The following RRP1 variants were observed in gnomAD, a reference collection of about 807,000 sequenced individuals.
The protein encoded by RRP1 is ribosomal RNA processing protein 1 homolog A.
In RRP1, 37 loss-of-function variants were observed where a neutral mutation model predicts 54.6. The ratio of observed to expected loss-of-function variants is 0.68; its 90% confidence interval spans 0.52 to 0.89. The LOEUF is 0.89. Among genes scored for constraint, RRP1 ranks in the 40% least tolerant of loss-of-function variants. The pLI, the probability that RRP1 is intolerant of heterozygous loss-of-function variation, is 0.00. For synonymous variants in RRP1, 262 were observed against 244.3 expected, an observed-to-expected ratio of 1.07 and a Z score of -0.67; for missense variants, 639 against 612.5, an observed-to-expected ratio of 1.04 and a Z score of -0.46.
intron 7 of RRP1, 54 bp from the exon 8 acceptor site, chr21:43,797,853 G>A (rs1204270313): frequency 2.7e-5 from 42 of 1,582,806 alleles, no homozygotes; most frequent in East Asian, 6.7e-5. Flanking sequence ...GGCGGCTTCC[G>A]CTTGGGAATC....
intron 8 of RRP1, among the ~76,000 whole-genome samples, chr21:43,798,488 G>T (rs1212624962): frequency 6.6e-6 from 1 of 152,050 alleles, no homozygotes; most frequent in African/African-American, 2.4e-5. Flanking sequence ...CCCCAACGCA[G>T]TCCTCCCCAT....
chr21:43,803,367 C>T (rs2085112331), intron 12 of RRP1, 145 bp from the exon 13 acceptor site: 2 of 1,164,892 alleles, frequency 1.7e-6, no homozygotes, highest in Non-Finnish European at 2.4e-6. Flanking sequence ...GGCGCCCACA[C>T]TGGACACGGG....
At chr21:43,795,786 A>G in intron 5 of RRP1, among the ~76,000 whole-genome samples, 1 of 152,194 alleles carries the variant, frequency 6.6e-6, no homozygotes, top group East Asian at 1.9e-4. Flanking sequence ...TCTTGGGCTC[A>G]AACAATCTGC....
intron 8 of RRP1, among the ~76,000 whole-genome samples, chr21:43,798,396 C>T (rs1245519459): frequency 1.3e-5 from 2 of 152,074 alleles, no homozygotes; most frequent in Non-Finnish European, 2.9e-5. Flanking sequence ...GCCTTGGTGC[C>T]GAGTCTCTCC....
chr21:43,794,732 G>C (rs1337767608), intron 4 of RRP1, among the ~76,000 whole-genome samples: 1 of 152,234 alleles, frequency 6.6e-6, no homozygotes, highest in African/African-American at 2.4e-5. Flanking sequence ...GGACCGCAGA[G>C]GAAGTGAGCT....
chr21:43,789,726 C>G lies in RRP1; in HGVS notation c.97C>G (p.Arg33Gly). 1 of 1,542,362 alleles carries G rather than the reference C, an allele frequency of 6.5e-7. No individual in the cohort carries two copies. The highest frequency in any genetic ancestry group is 8.7e-7 in the Non-Finnish European group (1 of 1,143,948). ...VTRDRAVRKL[R>G]KYIVARTQRA... is the part of the protein sequence containing the mutation. ...CCGGGACCGGGCGGTGAGGAAGCTC[C>G]GGAAATACATCGTCGCCAGGACTCA... is the stretch of plus-strand genomic sequence containing the variant. Residue 33 changes from arginine to glycine, a missense_variant, in exon 1 of 13, where the codon CGG becomes GGG. Physicochemically the swap from Arg to Gly is moderately radical, Grantham distance 125 (BLOSUM62 -2). Coordinates refer to ENST00000497547, the MANE Select transcript of RRP1 (RefSeq NM_003683.6).
intron 8 of RRP1, among the ~76,000 whole-genome samples, chr21:43,798,700 C>T (rs1460357960): frequency 1.3e-5 from 2 of 152,054 alleles, no homozygotes; most frequent in Admixed American, 6.5e-5. Context: ...CTGCCAGAGG[C>T]CTCTGTGGGC....
chr21:43,799,543 G>C (rs776432186), intron 8 of RRP1, 27 bp from the exon 9 acceptor site: 2 of 1,602,630 alleles, frequency 1.2e-6, no homozygotes, highest in Non-Finnish European at 8.5e-7. Context: ...GGCACAGGTA[G>C]GGTTCACGGG....
chr21:43,803,459 G>T, intron 12 of RRP1, 53 bp from the exon 13 acceptor site: 1 of 1,488,532 alleles, frequency 6.7e-7, no homozygotes, highest in Non-Finnish European at 9.0e-7. Context: ...GGAGTAAGTG[G>T]AAAGAGCCCG....
chr21:43,800,440 G>A, intron 9 of RRP1, 77 bp from the exon 10 acceptor site: 1 of 1,368,884 alleles, frequency 7.3e-7, no homozygotes, highest in South Asian at 1.2e-5. Flanking sequence ...TGCTATCTGG[G>A]TCTCAGGGGT....
Position 43,802,310 on chromosome 21 carries a change from G to T in RRP1, c.1046G>T (p.Cys349Phe). The T allele has an allele frequency of 6.2e-7, 1 of 1,613,974 alleles. No individual in the cohort carries two copies. Among genetic ancestry groups the T allele is most frequent in the Non-Finnish European group, 8.5e-7 (1 of 1,180,008 alleles). ...GAAGATGAGATCCCAGAGAAGGCCT[G>T]CAGGCGCCTGCTTGAAGGGAGGCGG... ...FPEDEIPEKA[C>F]RRLLEGRRQK... Residue 349 changes from cysteine to phenylalanine, a missense_variant, in exon 12 of 13, where the codon TGC becomes TTC. Physicochemically the swap from Cys to Phe is radical, Grantham distance 205 (BLOSUM62 -2). Coordinates refer to ENST00000497547, the MANE Select transcript of RRP1 (RefSeq NM_003683.6).
At position 43,797,228 on chromosome 21, in the gene RRP1, G is replaced by A. The variant is rs976988809; in HGVS notation, c.423-194G>A. 42 of 841,710 alleles carry A rather than the reference G, an allele frequency of 5.0e-5. 1 individual carries two copies. Among genetic ancestry groups the A allele is most frequent in the Middle Eastern group, 3.8e-4 (1 of 2,618 alleles). 52.1% of individuals were successfully genotyped at this position (841,710 alleles called of 1,614,324 possible). The stretch of plus-strand genomic sequence containing the variant: ...TGGTCACATAACTCCCTAACTGCAA[G>A]ACTGCCTTGCGCTGGAGGAGACCTA... On this transcript the variant is annotated intron_variant, in intron 5 of 12. Coordinates refer to ENST00000497547, the MANE Select transcript of RRP1 (RefSeq NM_003683.6).
chr21:43,793,889 G>A (rs1191015737), intron 4 of RRP1, among the ~76,000 whole-genome samples: 1 of 152,154 alleles, frequency 6.6e-6, no homozygotes, highest in African/African-American at 2.4e-5. Flanking sequence ...GAATACAGGG[G>A]AACACTGGGG....
At position 43,803,796 on chromosome 21, in the gene RRP1, C is replaced by G. The variant is rs2085117762; in HGVS notation, c.*22C>G. The G allele has an allele frequency of 5.2e-6, 8 of 1,549,794 alleles. No individual in the cohort carries two copies. Among genetic ancestry groups the G allele is most frequent in the Non-Finnish European group, 7.0e-6 (8 of 1,143,826 alleles). On this transcript the variant is annotated 3_prime_UTR_variant, in exon 13 of 13. Coordinates refer to ENST00000497547, the MANE Select transcript of RRP1 (RefSeq NM_003683.6). ...GTGATGTGGCCGGGCCAAGGACAGG[C>G]AGGGAGGGAGGCCAGGCCTCGCTTG...
At position 43,795,266 on chromosome 21, in the gene RRP1, G is replaced by T; in HGVS notation, c.422+16G>T. ...GGGAAGAAAGGTGGGTGCGCGGCGG[G>T]CCTGCTCTGGGGGGACGCTGTTCTC... On this transcript the variant is annotated intron_variant, in intron 5 of 12. Coordinates refer to ENST00000497547, the MANE Select transcript of RRP1 (RefSeq NM_003683.6). 1 of 1,613,450 alleles carries T rather than the reference G, an allele frequency of 6.2e-7. No homozygotes were observed. The highest frequency in any genetic ancestry group is 2.2e-5 in the East Asian group (1 of 44,868).
intron 4 of RRP1, among the ~76,000 whole-genome samples, chr21:43,793,619 A>G (rs1269373738): frequency 6.6e-6 from 1 of 152,140 alleles, no homozygotes; most frequent in Non-Finnish European, 1.5e-5. Context: ...AAGGAATTCG[A>G]CCCTTAAAAC....
At position 43,791,015 on chromosome 21, in the gene RRP1, G is replaced by A. The variant is rs751515225; in HGVS notation, c.134-335G>A. ...AATGCTGGATGAATTATCACCAACA[G>A]ATTAACCTTGTGGCCACTGTCCAGC... On this transcript the variant is annotated intron_variant, in intron 1 of 12. Coordinates refer to ENST00000497547, the MANE Select transcript of RRP1 (RefSeq NM_003683.6). 6.4e-4 allele frequency: 308 copies of A among 479,194 alleles called. 1 individual carries two copies. Among genetic ancestry groups the A allele is most frequent in the Non-Finnish European group, 1.2e-3 (290 of 242,276 alleles). 29.7% of individuals were successfully genotyped at this position (479,194 alleles called of 1,614,324 possible). A position where few individuals can be genotyped will look rare whatever the true frequency, so the allele number is the denominator to read the frequency against.
intron 11 of RRP1, among the ~76,000 whole-genome samples, chr21:43,801,277 G>A (rs1199324521): frequency 2.0e-5 from 3 of 152,164 alleles, no homozygotes; most frequent in Non-Finnish European, 4.4e-5. Context: ...AGAGACGTAG[G>A]CGTTTCCCCT....
rs751603359 is a variant in RRP1, at chr21:43,795,264, G to A, written c.422+14G>A. 1.3e-5 allele frequency: 21 copies of A among 1,613,582 alleles called. No individual in the cohort carries two copies. Among genetic ancestry groups the A allele is most frequent in the African/African-American group, 5.3e-5 (4 of 74,880 alleles). Reference sequence around the variant, plus strand: ...CTGGGAAGAAAGGTGGGTGCGCGGCGGGCCTGCTCTGGGGGGACGCTGTTC... The same window carrying A: ...CTGGGAAGAAAGGTGGGTGCGCGGCAGGCCTGCTCTGGGGGGACGCTGTTC... On this transcript the variant is annotated intron_variant, in intron 5 of 12. Coordinates refer to ENST00000497547, the MANE Select transcript of RRP1 (RefSeq NM_003683.6).
Sources: gnomAD v4.1 joint callset for allele counts (sites outside exome capture counted in the v4.1 genomes callset) on GRCh38, gnomAD v4.1.1 for gene constraint, MANE v1.5 for transcripts, NCBI Gene and HGNC (gene_info 2026-07-23, HGNC 2026-07-21) for gene names.